ANK1: variants seen among roughly 807,000 people sequenced by gnomAD.
The protein encoded by ANK1 is ankyrin 1.
Under a neutral mutation model 210.4 loss-of-function variants are expected in ANK1, and 51 were observed. The observed-to-expected ratio is 0.24, with a 90% confidence interval of 0.19 to 0.31. The LOEUF (loss-of-function observed/expected upper bound fraction) is 0.31, where lower values mean the gene tolerates loss of function less well. Among genes scored for constraint, ANK1 ranks in the 10% least tolerant of loss-of-function variants. The pLI is 1.00. For missense variants in ANK1, 2,051 were observed against 2,504.4 expected, an observed-to-expected ratio of 0.82 and a Z score of 3.86; for synonymous variants, 967 against 1,025.9, an observed-to-expected ratio of 0.94 and a Z score of 1.10.
intron 1 of ANK1, among the ~76,000 whole-genome samples, chr8:41,841,308 C>A (rs1808844666): frequency 6.6e-6 from 1 of 152,146 alleles, no homozygotes; most frequent in Admixed American, 6.5e-5. Flanking sequence ...CTGCATGATT[C>A]CACTTAAACG....
At position 41,683,223 on chromosome 8, in the gene ANK1, T is replaced by C. The variant is rs553743656; in HGVS notation, c.4537+1321A>G. Among the ~76,000 whole-genome samples, 6 of 151,938 alleles carry C rather than the reference T, an allele frequency of 3.9e-5. No individual in the cohort carries two copies. In the East Asian group the frequency reaches 1.2e-3, roughly 30 times the overall value. On this transcript the variant is annotated intron_variant, in intron 37 of 42. Transcript: ENST00000289734. Reference sequence around the variant, plus strand: ...GTGGCCGGCTCTGCGCCTGCCGAAATGGGGACAGTGGAGACAGTGGAGACA... The same window carrying C: ...GTGGCCGGCTCTGCGCCTGCCGAAACGGGGACAGTGGAGACAGTGGAGACA...
At chr8:41,720,515 A>G (rs1311758886) in intron 9 of ANK1, among the ~76,000 whole-genome samples, 1 of 152,216 alleles carries the variant, frequency 6.6e-6, no homozygotes, top group East Asian at 1.9e-4. Flanking sequence ...TCACTTAGAC[A>G]TTAATTCAAC....
Position 41,758,030 on chromosome 8 carries a change from A to G in ANK1, c.129+6T>C, listed in dbSNP as rs1417769695. On this transcript the variant is annotated splice_donor_region_variant and intron_variant, in intron 2 of 42. Transcript: ENST00000289734. ...GAGACAACAGGCCTGCCTCCATCCCACTTACCTGGTTACAGGTGTTAATAT... is the reference window on the plus strand; with the variant it reads ...GAGACAACAGGCCTGCCTCCATCCCGCTTACCTGGTTACAGGTGTTAATAT... 6.2e-7 allele frequency: 1 copy of G among 1,612,780 alleles called. No homozygotes were observed. Among genetic ancestry groups the G allele is most frequent in the Non-Finnish European group, 8.5e-7 (1 of 1,178,888 alleles).
intron 38 of ANK1, among the ~76,000 whole-genome samples, chr8:41,669,873 T>A (rs999347976): frequency 6.6e-5 from 10 of 152,270 alleles, no homozygotes; most frequent in Non-Finnish European, 8.8e-5. Context: ...CCTCCCTAGC[T>A]TCATGGGCTT....
chr8:41,672,701 G>A lies in ANK1; in HGVS notation c.4749C>T (p.Ser1583=). 3 of 1,613,300 alleles carry A rather than the reference G, an allele frequency of 1.9e-6. No individual in the cohort carries two copies. The highest frequency in any genetic ancestry group is 2.2e-5 in the South Asian group (2 of 91,056). ...LTPSLVTAED[S]SLECSKAEDS... The stretch of plus-strand genomic sequence containing the variant: ...CCTCAGCCTTGCTACACTCCAGAGA[G>A]GAGTCCTCAGCAGTGACCAGAGAAG... Residue 1583 remains serine, a synonymous_variant, in exon 38 of 43, where the codon TCC becomes TCT. Coordinates refer to ENST00000289734, the MANE Select transcript of ANK1 (RefSeq NM_000037.4).
intron 1 of ANK1, among the ~76,000 whole-genome samples, chr8:41,876,160 C>A (rs965872113): frequency 4.6e-5 from 7 of 152,116 alleles, no homozygotes; most frequent in African/African-American, 1.7e-4. Flanking sequence ...TCGCTGGGCT[C>A]CCGAGGCGGC....
In ANK1 at chr8:41,892,036, CT is replaced by C. The variant is rs1819543674; in HGVS notation, c.126+4318del. ...GTTCTCTTTCAATTTTGTCGGCAAT[CT>C]CTTGGATTGAATTTACAAAACCTTT... On this transcript the variant is annotated intron_variant, in intron 1 of 42. Coordinates refer to the ANK1 transcript ENST00000265709. 2.0e-5 allele frequency among the ~76,000 whole-genome samples: 3 copies of C among 152,226 alleles called. No homozygotes were observed. In the South Asian group the frequency reaches 6.2e-4, roughly 31 times the overall value.
At position 41,834,478 on chromosome 8, in the gene ANK1, G is replaced by A. The variant is rs368625028; in HGVS notation, c.126+61877C>T. Among the ~76,000 whole-genome samples, 5 of 152,304 alleles carry A rather than the reference G, an allele frequency of 3.3e-5. No homozygotes were observed. The East Asian group carries it at 5.8e-4, about 18-fold the overall frequency. Reference sequence around the variant, plus strand: ...CTCATGCCGAAGACCTGCCTCGGCCGGTCAAACCCCATCCCTAAACCCAGG... The same window carrying A: ...CTCATGCCGAAGACCTGCCTCGGCCAGTCAAACCCCATCCCTAAACCCAGG... On this transcript the variant is annotated intron_variant, in intron 1 of 42. Transcript: ENST00000265709.
rs1805187026 is a variant in ANK1, at chr8:41,654,971, A to G, written c.*819T>C. On this transcript the variant is annotated 3_prime_UTR_variant, in exon 43 of 43. Coordinates refer to ENST00000289734, the MANE Select transcript of ANK1 (RefSeq NM_000037.4). ...AAGTCCCTAACACAAGGAACCCCGAATGCACTCTTCAAGGTAATGATTTTC... is the reference window on the plus strand; with the variant it reads ...AAGTCCCTAACACAAGGAACCCCGAGTGCACTCTTCAAGGTAATGATTTTC... The G allele has an allele frequency of 6.6e-6, 1 of 152,550 alleles. No homozygotes were observed. Among genetic ancestry groups the G allele is most frequent in the Non-Finnish European group, 1.5e-5 (1 of 68,044 alleles). The allele number at this position is 152,550 out of a possible 1,614,324, so 9.4% of individuals were successfully genotyped here. A position where few individuals can be genotyped will look rare whatever the true frequency, so the allele number is the denominator to read the frequency against.
chr8:41,693,149 T>C lies in ANK1; in HGVS notation c.3585A>G (p.Val1195=), dbSNP rs1563445080. 2.5e-6 allele frequency: 4 copies of C among 1,613,934 alleles called. No homozygotes were observed. The highest frequency in any genetic ancestry group is 1.3e-5 in the African/African-American group (1 of 75,038). ...WEDITGTTKL[V]YANECANFTT... ...TGAAGTTGGCGCACTCGTTGGCATA[T>C]ACAAGTTTGGTGGTTCCTGTTATGT... The change falls in exon 30 of 43, where the codon GTA becomes GTG. Residue 1195 remains valine, a synonymous_variant. Coordinates refer to ENST00000289734, the MANE Select transcript of ANK1 (RefSeq NM_000037.4).
chr8:41,695,406 C>CG, intron 26 of ANK1, 75 bp from the exon 27 acceptor site: 7 of 1,602,302 alleles, frequency 4.4e-6, no homozygotes, highest in Non-Finnish European at 5.1e-6. Context: ...ATGGGGCTGC[C>CG]GGCTCCCACC....
At chr8:41,701,443 T>C in intron 22 of ANK1, 107 bp downstream of exon 22, 3 of 971,160 alleles carry the variant, frequency 3.1e-6, no homozygotes, top group Non-Finnish European at 5.0e-6. Context: ...CTATAGTGCT[T>C]GGGCGTGTTG....
At chr8:41,795,592 T>C (rs1848602068) in intron 1 of ANK1, among the ~76,000 whole-genome samples, 1 of 152,078 alleles carries the variant, frequency 6.6e-6, no homozygotes. Context: ...TGAAATCATG[T>C]CATTTGTAGC....
intron 1 of ANK1, among the ~76,000 whole-genome samples, chr8:41,761,661 C>T (rs1381135665): frequency 2.0e-5 from 3 of 152,226 alleles, no homozygotes; most frequent in Non-Finnish European, 4.4e-5. Flanking sequence ...AACTCATGCA[C>T]ACACTAGTGA....
chr8:41,705,995 G>A (rs1824462765), intron 18 of ANK1, 148 bp downstream of exon 18: 2 of 775,642 alleles, frequency 2.6e-6, no homozygotes, highest in Non-Finnish European at 4.4e-6. Context: ...ATTAGGAGTA[G>A]TGTTTTCAAA....
At chr8:41,693,489 G>T (rs891144269) in intron 29 of ANK1, among the ~76,000 whole-genome samples, 1 of 128,946 alleles carries the variant, frequency 7.8e-6, no homozygotes, top group Non-Finnish European at 1.6e-5. Flanking sequence ...CCAGGCTGCA[G>T]TGTAGTGGAA....
In ANK1 at chr8:41,797,552, C is replaced by A. The variant is rs373433306; in HGVS notation, c.-14G>T. On this transcript the variant is annotated 5_prime_UTR_variant, in exon 1 of 43. Coordinates refer to ENST00000289734, the MANE Select transcript of ANK1 (RefSeq NM_000037.4). The surrounding 1 kb of genome is among the most constrained non-coding windows in gnomAD (Gnocchi z 4.0). ...AGAATAGGGCATGCCGGTCTTTCAG[C>A]AGGGGCCCGCCGAAGGGCCTTGGGG... The A allele has an allele frequency of 1.2e-6, 2 of 1,613,528 alleles. No individual in the cohort carries two copies. Among genetic ancestry groups the A allele is most frequent in the Non-Finnish European group, 1.7e-6 (2 of 1,179,860 alleles).
Position 41,717,669 on chromosome 8 carries a change from T to C in ANK1, c.1240A>G (p.Met414Val). Residue 414 changes from methionine to valine, a missense_variant, in exon 12 of 43, where the codon ATG becomes GTG. By Grantham distance (21) the Met-to-Val change is conservative. Transcript: ENST00000289734. ...GLTPLHVASF[M>V]GHLPIVKNLL... The stretch of plus-strand genomic sequence containing the variant: ...TTCTTCACGATGGGAAGGTGCCCCA[T>C]GAAGGAGGCCACGTGGAGAGGTGTC... 6.4e-7 allele frequency: 1 copy of C among 1,551,658 alleles called. No homozygotes were observed. Among genetic ancestry groups the C allele is most frequent in the East Asian group, 2.4e-5 (1 of 40,928 alleles).
intron 2 of ANK1, among the ~76,000 whole-genome samples, chr8:41,749,908 A>C (rs1055788159): frequency 6.6e-6 from 1 of 152,128 alleles, no homozygotes; most frequent in African/African-American, 2.4e-5. Flanking sequence ...CACCACGCCC[A>C]GCCTCATCTT....
Sources: allele counts gnomAD v4.1 joint callset (sites outside exome capture counted in the v4.1 genomes callset), GRCh38; gene constraint gnomAD v4.1.1; non-coding constraint Gnocchi (gnomAD v3.1); transcripts MANE v1.5; gene names NCBI Gene and HGNC (gene_info 2026-07-23, HGNC 2026-07-21).